MTPN: variants seen among roughly 807,000 people sequenced by gnomAD.
The protein encoded by MTPN is granule cell differentiation protein.
Under a neutral mutation model 13.5 loss-of-function variants are expected in MTPN, and 2 were observed. That is an observed-to-expected ratio of 0.15 (90% confidence interval 0.06 to 0.47). MTPN has a LOEUF of 0.47. Ranked by LOEUF, MTPN falls within the 20% of genes least tolerant of loss-of-function variation. The pLI, the probability that MTPN is intolerant of heterozygous loss-of-function variation, is 0.97. For synonymous variants in MTPN, 46 were observed against 51.7 expected (o/e 0.89, Z 0.48); for missense variants, 79 against 137.9 (o/e 0.57, Z 2.14).
intron 1 of MTPN, among the ~76,000 whole-genome samples, chr7:135,953,879 GTTTAC>G (rs1799401324): frequency 6.6e-6 from 1 of 152,052 alleles, no homozygotes; most frequent in South Asian, 2.1e-4. Flanking sequence ...CTAAATGATT[GTTTAC>G]TTAAGTTAAT....
intron 1 of MTPN, among the ~76,000 whole-genome samples, chr7:135,953,042 T>G (rs1050711349): frequency 1.3e-5 from 2 of 152,188 alleles, no homozygotes; most frequent in Non-Finnish European, 2.9e-5. Flanking sequence ...TGAATCAAGA[T>G]GTTCAGAGCC....
At chr7:135,969,299 AAAT>A (rs1227644313) in intron 1 of MTPN, among the ~76,000 whole-genome samples, 22 of 151,538 alleles carry the variant, frequency 1.5e-4, no homozygotes, top group African/African-American at 5.1e-4. Flanking sequence ...ATATTAAACA[AAAT>A]AATATTTACT....
chr7:135,933,098 C>CAAAAAA (rs56865854), intron 3 of MTPN, among the ~76,000 whole-genome samples: 47 of 63,022 alleles, frequency 7.5e-4, no homozygotes, highest in East Asian at 1.5e-3. Flanking sequence ...CACTCAGCCT[C>CAAAAAA]AAAAAAAAAA....
intron 1 of MTPN, among the ~76,000 whole-genome samples, chr7:135,963,414 C>CAAAATTATATTTTGT (rs933627754): frequency 6.6e-6 from 1 of 151,942 alleles, no homozygotes; most frequent in African/African-American, 2.4e-5. Context: ...AACAATACCA[C>CAAAATTATATTTTGT]AATTATAAAT....
chr7:135,937,563 CT>C (rs1171942046), intron 3 of MTPN, among the ~76,000 whole-genome samples: 11 of 152,114 alleles, frequency 7.2e-5, no homozygotes, highest in Admixed American at 7.2e-4. Flanking sequence ...ACTTTATATA[CT>C]TTTGTATACT....
In MTPN at chr7:135,951,250, C is replaced by G. The variant is rs552234551; in HGVS notation, c.186+267G>C. ...TTACCCACAGATAGTGCTAACTCCC[C>G]AAGCTTTAGAACTTGAAAAGCAACA... is the stretch of plus-strand genomic sequence containing the variant. On this transcript the variant is annotated intron_variant, in intron 2 of 3. Transcript: ENST00000393085. 2.0e-5 allele frequency among the ~76,000 whole-genome samples: 3 copies of G among 152,210 alleles called. No homozygotes were observed. The South Asian group carries it at 6.2e-4, about 32-fold the overall frequency.
At chr7:135,975,391 A>G (rs886770817) in intron 1 of MTPN, among the ~76,000 whole-genome samples, 1 of 152,178 alleles carries the variant, frequency 6.6e-6, no homozygotes, top group East Asian at 1.9e-4. Context: ...GGAGTCAGCA[A>G]TTTAGTTCTT....
At chr7:135,953,233 T>C (rs1799391568) in intron 1 of MTPN, among the ~76,000 whole-genome samples, 1 of 152,192 alleles carries the variant, frequency 6.6e-6, no homozygotes, top group Non-Finnish European at 1.5e-5. Flanking sequence ...AAACTTTCCA[T>C]GATAATGGCA....
At chr7:135,952,099 T>C (rs902949587) in intron 1 of MTPN, among the ~76,000 whole-genome samples, 1 of 152,188 alleles carries the variant, frequency 6.6e-6, no homozygotes, top group Non-Finnish European at 1.5e-5. Context: ...TAACATTCAG[T>C]AGAGCCCAAT....
Position 135,929,855 on chromosome 7 carries a change from G to A in MTPN, c.*71C>T, listed in dbSNP as rs1798989129. On this transcript the variant is annotated 3_prime_UTR_variant, in exon 4 of 4. Transcript: ENST00000393085. The stretch of plus-strand genomic sequence containing the variant: ...CTGAAGAAGCTGGCAGATAGAGAGT[G>A]ACAGACAGACAGGCAGCAGTGTGAG... The A allele has an allele frequency of 7.8e-6, 11 of 1,415,334 alleles. No homozygotes were observed. The South Asian group carries it at 1.1e-4, about 15-fold the overall frequency. 87.7% of individuals were successfully genotyped at this position (1,415,334 alleles called of 1,614,324 possible). A position where few individuals can be genotyped will look rare whatever the true frequency, so the allele number is the denominator to read the frequency against.
intron 3 of MTPN, among the ~76,000 whole-genome samples, chr7:135,949,353 G>C (rs998545): frequency 0.079 from 11,993 of 152,222 alleles, 526 homozygotes; most frequent in South Asian, 0.15. Flanking sequence ...GAACAGTAAA[G>C]AGAAAGACAG....
Position 135,951,503 on chromosome 7 carries a change from C to T in MTPN, c.186+14G>A, listed in dbSNP as rs932261373. On this transcript the variant is annotated intron_variant, in intron 2 of 3. Transcript: ENST00000393085. Reference sequence around the variant, plus strand: ...CAGAAAATTTTTTCAAGAATGATCACGTCCTCTACGTACATTAATATCTGC... The same window carrying T: ...CAGAAAATTTTTTCAAGAATGATCATGTCCTCTACGTACATTAATATCTGC... The T allele has an allele frequency of 1.7e-5, 26 of 1,574,170 alleles. No homozygotes were observed. Among genetic ancestry groups the T allele is most frequent in the South Asian group, 2.3e-5 (2 of 87,400 alleles).
Position 135,932,705 on chromosome 7 carries a change from G to A in MTPN, c.271-2693C>T, listed in dbSNP as rs940761085. 5 of 151,932 alleles carry A rather than the reference G, an allele frequency of 3.3e-5. No homozygotes were observed. The East Asian group carries it at 9.7e-4, about 29-fold the overall frequency. The allele number at this position is 151,932 out of a possible 1,614,324, so 9.4% of individuals were successfully genotyped here. ...TAAAAAAAATTACTAGAGACAAAGA[G>A]GGACATTTCATAATGATAAAAGGTT... On this transcript the variant is annotated intron_variant, in intron 3 of 3. Coordinates refer to ENST00000393085, the MANE Select transcript of MTPN (RefSeq NM_145808.4).
At position 135,936,399 on chromosome 7, in the gene MTPN, C is replaced by T. The variant is rs535836276; in HGVS notation, c.271-6387G>A. On this transcript the variant is annotated intron_variant, in intron 3 of 3. Transcript: ENST00000393085. ...ACTGGGGAGGCTGAGGCAGAAGAAT[C>T]GCTTGAACCCAGGAGGCGGAGGTTG... 2.8e-4 allele frequency among the ~76,000 whole-genome samples: 43 copies of T among 152,256 alleles called. No homozygotes were observed. In the South Asian group the frequency reaches 5.8e-3, roughly 21 times the overall value.
chr7:135,950,384 A>C (rs1158696299), intron 3 of MTPN, among the ~76,000 whole-genome samples: 1 of 152,190 alleles, frequency 6.6e-6, no homozygotes, highest in Non-Finnish European at 1.5e-5. Flanking sequence ...CTTGACAAAG[A>C]AGACTGCTGA....
chr7:135,967,971 G>A (rs151067515), intron 1 of MTPN, among the ~76,000 whole-genome samples: 1 of 151,990 alleles, frequency 6.6e-6, no homozygotes, highest in Non-Finnish European at 1.5e-5. Flanking sequence ...ATTTTTTTGT[G>A]GTTGAGATGG....
In MTPN at chr7:135,929,381, C is replaced by T. The variant is rs1484507092; in HGVS notation, c.*545G>A. 1 of 167,358 alleles carries T rather than the reference C, an allele frequency of 6.0e-6. No homozygotes were observed. The highest frequency in any genetic ancestry group is 1.5e-5 in the Non-Finnish European group (1 of 68,378). The allele number at this position is 167,358 out of a possible 1,614,324, so 10.4% of individuals were successfully genotyped here. A position where few individuals can be genotyped will look rare whatever the true frequency, so the allele number is the denominator to read the frequency against. On this transcript the variant is annotated 3_prime_UTR_variant, in exon 4 of 4. Coordinates refer to ENST00000393085, the MANE Select transcript of MTPN (RefSeq NM_145808.4). ...TAAGCTTTCACATAAAGCTTAAAGTCACCGAGGAAAGATTTGGTCACCAAC... is the reference window on the plus strand; with the variant it reads ...TAAGCTTTCACATAAAGCTTAAAGTTACCGAGGAAAGATTTGGTCACCAAC...
intron 3 of MTPN, among the ~76,000 whole-genome samples, chr7:135,936,913 T>C (rs1475108880): frequency 6.6e-6 from 1 of 152,190 alleles, no homozygotes; most frequent in Non-Finnish European, 1.5e-5. Context: ...CAAGTATTAT[T>C]TGATAGTGTG....
At chr7:135,968,436 C>G (rs1179239159) in intron 1 of MTPN, among the ~76,000 whole-genome samples, 1 of 147,142 alleles carries the variant, frequency 6.8e-6, no homozygotes, top group Non-Finnish European at 1.5e-5. Flanking sequence ...TTTCTGTGGA[C>G]TGAAAAAAAA....
Sources: gnomAD v4.1 joint callset for allele counts (sites outside exome capture counted in the v4.1 genomes callset) on GRCh38, gnomAD v4.1.1 for gene constraint, MANE v1.5 for transcripts, NCBI Gene and HGNC (gene_info 2026-07-23, HGNC 2026-07-21) for gene names.